Variants in FAM193A observed in about 807,000 individuals in gnomAD.
FAM193A encodes the protein protein FAM193A.
FAM193A carries 22 observed loss-of-function variants against 126.5 expected under a neutral mutation model. The observed-to-expected ratio is 0.17, with a 90% CI of 0.12 to 0.25. FAM193A has a LOEUF of 0.25. FAM193A is among the 10% of genes least tolerant of loss of function. FAM193A has a pLI of 1.00. For synonymous variants in FAM193A, 761 were observed against 646.8 expected (o/e 1.18, Z -2.68); for missense variants, 1,675 against 1,672.8 (o/e 1.00, Z -0.02).
intron 20 of FAM193A, among the ~76,000 whole-genome samples, chr4:2,725,989 C>T (rs1180841835): frequency 6.6e-6 from 1 of 151,692 alleles, no homozygotes; most frequent in African/African-American, 2.4e-5. Flanking sequence ...AGCTCCGCCT[C>T]CCAAGTTCAC....
chr4:2,577,522 G>A (rs1482311703), intron 1 of FAM193A, among the ~76,000 whole-genome samples: 2 of 148,022 alleles, frequency 1.4e-5, no homozygotes, highest in East Asian at 4.0e-4. Flanking sequence ...GGGTTCAAGC[G>A]ATTCTACTGC....
chr4:2,596,677 A>C (rs1740883076), intron 2 of FAM193A, among the ~76,000 whole-genome samples: 1 of 152,190 alleles, frequency 6.6e-6, no homozygotes, highest in East Asian at 1.9e-4. Flanking sequence ...ACATGCAGGT[A>C]ATTCTTTACG....
intron 1 of FAM193A, among the ~76,000 whole-genome samples, chr4:2,583,535 T>G (rs1740070260): frequency 6.6e-6 from 1 of 152,128 alleles, no homozygotes; most frequent in Non-Finnish European, 1.5e-5. Flanking sequence ...CTCCCTGAGT[T>G]CTGCGCTACT....
chr4:2,690,942 A>G lies in FAM193A; in HGVS notation c.2775A>G (p.Arg925=), dbSNP rs754250112. The change falls in exon 15 of 21, where the codon AGA becomes AGG. Residue 925 remains arginine (R), a synonymous_variant. Coordinates refer to ENST00000637812, the MANE Select transcript of FAM193A (RefSeq NM_001366318.2). The stretch of plus-strand genomic sequence containing the variant: ...TGCAGTCCAGCAACAGCCAGTTCAG[A>G]GTGTCATCCAAGAGACCTCCTTCAG... The part of the protein sequence containing the change: ...TTVQSSNSQF[R]VSSKRPPSVG... 4 of 1,613,992 alleles carry G rather than the reference A, an allele frequency of 2.5e-6. No individual in the cohort carries two copies. Among genetic ancestry groups the G allele is most frequent in the Non-Finnish European group, 3.4e-6 (4 of 1,179,912 alleles).
At chr4:2,696,810 C>G (rs1231973414) in intron 18 of FAM193A, among the ~76,000 whole-genome samples, 2 of 152,150 alleles carry the variant, frequency 1.3e-5, no homozygotes, top group Non-Finnish European at 2.9e-5. Context: ...AAATTACTTC[C>G]CCTTTTGTAG....
intron 6 of FAM193A, among the ~76,000 whole-genome samples, chr4:2,640,853 T>C (rs963503326): frequency 3.3e-5 from 5 of 151,642 alleles, no homozygotes; most frequent in African/African-American, 1.2e-4. Flanking sequence ...TGATCCTGGC[T>C]ACTTGGGAGT....
intron 2 of FAM193A, among the ~76,000 whole-genome samples, chr4:2,602,418 G>C (rs1741254546): frequency 6.9e-6 from 1 of 144,942 alleles, no homozygotes. Flanking sequence ...GCAGTTGTGT[G>C]ATCTCGGCTC....
chr4:2,694,809 TA>T, intron 16 of FAM193A, 136 bp from the exon 17 acceptor site: 1 of 665,990 alleles, frequency 1.5e-6, no homozygotes, highest in Non-Finnish European at 2.4e-6. Context: ...GACTCCCTAG[TA>T]ACCCTGGGAC....
intron 1 of FAM193A, among the ~76,000 whole-genome samples, chr4:2,583,186 C>T (rs1740050526): frequency 6.6e-6 from 1 of 152,220 alleles, no homozygotes; most frequent in African/African-American, 2.4e-5. Flanking sequence ...ATTGGCCAAG[C>T]TGGTGCCAAA....
intron 7 of FAM193A, among the ~76,000 whole-genome samples, chr4:2,648,610 G>A (rs1285660286): frequency 1.3e-5 from 2 of 152,248 alleles, no homozygotes; most frequent in South Asian, 2.1e-4. Context: ...TGCTGCAGCA[G>A]CACCTCAGCA....
At chr4:2,581,255 CTT>C (rs34915273) in intron 1 of FAM193A, among the ~76,000 whole-genome samples, 29 of 135,830 alleles carry the variant, frequency 2.1e-4, no homozygotes, top group Admixed American at 3.0e-4. Flanking sequence ...TTCTTTCTTT[CTT>C]TTTTTTTTTT....
intron 2 of FAM193A, among the ~76,000 whole-genome samples, chr4:2,617,262 A>ATATATTTT (rs1553895173): frequency 4.0e-5 from 1 of 25,072 alleles, no homozygotes; most frequent in African/African-American, 4.8e-4. Flanking sequence ...ATATATATAT[A>ATATATTTT]TTTTTTTTTT....
At chr4:2,645,278 T>G (rs942840177) in intron 6 of FAM193A, among the ~76,000 whole-genome samples, 1 of 152,198 alleles carries the variant, frequency 6.6e-6, no homozygotes, top group Non-Finnish European at 1.5e-5. Context: ...TCCACTTATT[T>G]TGGCTCACAC....
chr4:2,637,538 C>G (rs963145557), intron 5 of FAM193A, among the ~76,000 whole-genome samples: 22 of 152,202 alleles, frequency 1.4e-4, no homozygotes, highest in African/African-American at 5.1e-4. Context: ...AACATCTTCT[C>G]TTCCTTCTTT....
chr4:2,568,973 C>CTTTTTTTTTTTTTTTTTTTTTTTATT, intron 1 of FAM193A, among the ~76,000 whole-genome samples: 1 of 90,722 alleles, frequency 1.1e-5, no homozygotes, highest in Non-Finnish European at 1.9e-5. Context: ...TGTTGTTTTG[C>CTTTTTTTTTTTTTTTTTTTTTTTATT]TTTTTTTTTT....
chr4:2,586,239 C>T (rs868096918), intron 1 of FAM193A, among the ~76,000 whole-genome samples: 1 of 139,984 alleles, frequency 7.1e-6, no homozygotes, highest in African/African-American at 2.6e-5. Flanking sequence ...GCAAAAACTC[C>T]GTCTCAAAAA....
intron 20 of FAM193A, among the ~76,000 whole-genome samples, chr4:2,729,274 C>G (rs1055350458): frequency 6.6e-5 from 10 of 152,030 alleles, no homozygotes; most frequent in Admixed American, 5.9e-4. Context: ...AAGGGAAGAT[C>G]GCCTCAGGTG....
At chr4:2,575,551 C>T (rs1038398612) in intron 1 of FAM193A, among the ~76,000 whole-genome samples, 2 of 149,620 alleles carry the variant, frequency 1.3e-5, no homozygotes, top group Non-Finnish European at 2.9e-5. Context: ...GCTGCAACCT[C>T]TGCTTCCCGG....
chr4:2,704,091 C>T (rs558052399), intron 19 of FAM193A, among the ~76,000 whole-genome samples: 60 of 150,862 alleles, frequency 4.0e-4, no homozygotes, highest in Admixed American at 2.8e-3. Context: ...CATGAAACCC[C>T]GTCTCTACTA....
Sources: allele counts gnomAD v4.1 joint callset (sites outside exome capture counted in the v4.1 genomes callset), GRCh38; gene constraint gnomAD v4.1.1; transcripts MANE v1.5; gene names NCBI Gene and HGNC (gene_info 2026-07-23, HGNC 2026-07-21).